Variants in TFR2 observed in about 807,000 individuals in gnomAD.
The protein encoded by TFR2 is transferrin receptor 2, also known as transferrin receptor protein 2.
In TFR2, 64 loss-of-function variants were observed where a neutral mutation model predicts 91.9. That is an observed-to-expected ratio of 0.70 (90% confidence interval 0.57 to 0.86). The LOEUF is 0.86. TFR2 is among the 40% of genes least tolerant of loss of function. The pLI is 0.00. For synonymous variants in TFR2, 454 were observed against 459.6 expected (o/e 0.99, Z 0.15); for missense variants, 950 against 1,080.5 (o/e 0.88, Z 1.69).
At chr7:100,621,831 C>T (rs1360400142) in intron 17 of TFR2, among the ~76,000 whole-genome samples, 1 of 152,172 alleles carries the variant, frequency 6.6e-6, no homozygotes, top group African/African-American at 2.4e-5. Context: ...GGCCTTGCTC[C>T]TGACCTAATC....
chr7:100,624,994 G>C (rs1803215075), intron 17 of TFR2, among the ~76,000 whole-genome samples: 1 of 151,732 alleles, frequency 6.6e-6, no homozygotes, highest in South Asian at 2.1e-4. Flanking sequence ...TGCAGGCTCT[G>C]AAGTCCTGAG....
Position 100,632,087 on chromosome 7 carries a change from C to T in TFR2, c.961G>A (p.Gly321Arg). 8.7e-6 allele frequency: 14 copies of T among 1,614,138 alleles called. No individual in the cohort carries two copies. The highest frequency in any genetic ancestry group is 1.1e-5 in the Non-Finnish European group (13 of 1,180,010). Reference sequence around the variant, plus strand: ...ACCAGCCTCCCCAGACTCACATGTCCATACACTGCCTGCTGGCTGGACAGG... The same window carrying T: ...ACCAGCCTCCCCAGACTCACATGTCTATACACTGCCTGCTGGCTGGACAGG... ...PSLSSQQAVY[G>R]HVHLGTGDPY... The change falls in exon 7 of 18, where the codon GGA becomes AGA. Residue 321 changes from glycine to arginine, a missense_variant. Coordinates refer to ENST00000223051, the MANE Select transcript of TFR2 (RefSeq NM_003227.4).
chr7:100,635,111 T>C (rs1803550324), intron 3 of TFR2, among the ~76,000 whole-genome samples: 2 of 151,886 alleles, frequency 1.3e-5, no homozygotes, highest in Non-Finnish European at 2.9e-5. Context: ...GCTAGTTTTG[T>C]ATTTTTTTAG....
chr7:100,640,757 T>G lies in TFR2; in HGVS notation c.402A>C (p.Arg134Ser). ...YEPDLDFHQGRLYWSDLQAMF... is the reference protein window; with the variant it reads ...YEPDLDFHQGSLYWSDLQAMF... Reference sequence around the variant, plus strand: ...TGGCCTGGAGGTCGCTCCAGTAGAGTCTGCCCTGGTGGAAATCCAGGTCAG... The same window carrying G: ...TGGCCTGGAGGTCGCTCCAGTAGAGGCTGCCCTGGTGGAAATCCAGGTCAG... Residue 134 changes from arginine to serine, a missense_variant, in exon 3 of 18, where the codon AGA (arginine) becomes AGC (serine). Arg to Ser is a moderately radical substitution (Grantham distance 110, BLOSUM62 -1). Transcript: ENST00000223051. 5 of 1,613,860 alleles carry G rather than the reference T, an allele frequency of 3.1e-6. No homozygotes were observed. The highest frequency in any genetic ancestry group is 4.2e-6 in the Non-Finnish European group (5 of 1,179,968).
chr7:100,630,694 C>A (rs945374767), intron 9 of TFR2, among the ~76,000 whole-genome samples, 195 bp downstream of exon 9: 3 of 152,236 alleles, frequency 2.0e-5, no homozygotes, highest in African/African-American at 7.2e-5. Context: ...ACTAGACAGG[C>A]TGGAAGGTGA....
At chr7:100,635,345 C>T (rs1803554551) in intron 3 of TFR2, among the ~76,000 whole-genome samples, 1 of 150,570 alleles carries the variant, frequency 6.6e-6, no homozygotes, top group African/African-American at 2.4e-5. Context: ...AAGCTCAAGC[C>T]ATCCTCCTGC....
Position 100,630,986 on chromosome 7 carries a change from C to A in TFR2, c.1173G>T (p.Leu391=). 6.2e-7 allele frequency: 1 copy of A among 1,609,428 alleles called. No homozygotes were observed. Among genetic ancestry groups the A allele is most frequent in the Non-Finnish European group, 8.5e-7 (1 of 1,178,408 alleles). The stretch of plus-strand genomic sequence containing the variant: ...CTAGCCGCAGTCGTGGCCCGGGGCC[C>A]AGGTGATAAGGGGAGCCTAGGAGGC... ...QGSLLGSPYH[L]GPGPRLRLVV... is the part of the protein sequence containing the mutation. Residue 391 remains leucine (L), a synonymous_variant, in exon 9 of 18, where the codon CTG becomes CTT. Coordinates refer to ENST00000223051, the MANE Select transcript of TFR2 (RefSeq NM_003227.4).
chr7:100,630,203 TCTTC>T (rs56033226), intron 9 of TFR2, among the ~76,000 whole-genome samples: 99,457 of 149,610 alleles, frequency 0.66, 33,801 homozygotes, highest in African/African-American at 0.81. Flanking sequence ...CATGCTTGAG[TCTTC>T]CTTCCTTCCT....
Position 100,640,681 on chromosome 7 carries a change from C to G in TFR2, c.473+5G>C, listed in dbSNP as rs1803678989. 2 of 1,611,860 alleles carry G rather than the reference C, an allele frequency of 1.2e-6. No homozygotes were observed. The highest frequency in any genetic ancestry group is 3.3e-5 in the Admixed American group (2 of 59,964). ...GAGAACAGGATGGGGCAGGGCCATC[C>G]CTACCTGATGGTGTCCTCCAGGCGC... On this transcript the variant is annotated splice_donor_5th_base_variant and intron_variant, in intron 3 of 17. Transcript: ENST00000223051.
At chr7:100,640,330 G>A (rs937720583) in intron 3 of TFR2, 8 of 256,680 alleles carry the variant, frequency 3.1e-5, no homozygotes, top group African/African-American at 1.6e-4. Flanking sequence ...CTAGAATGCG[G>A]CTTCTCAGAA....
rs201855716 is a variant in TFR2, at chr7:100,621,159, G to C, written c.2137-33C>G. The C allele has an allele frequency of 6.2e-6, 9 of 1,461,650 alleles. No individual in the cohort carries two copies. In the East Asian group the frequency reaches 2.0e-4, roughly 33 times the overall value. 90.5% of individuals were successfully genotyped at this position (1,461,650 alleles called of 1,614,324 possible). ...GAGAGGGGGATCAGGTCAGGGTTGG[G>C]GGCTCTGGCTCGGGAGCAAAGGCCC... On this transcript the variant is annotated intron_variant, in intron 17 of 17. Transcript: ENST00000223051.
chr7:100,633,400 C>CCG lies in TFR2; in HGVS notation c.614+14_614+15dup. Reference sequence around the variant, plus strand: ...GTCCCCCTCCCCGCGCGCCCCCCGCCCGCGCGCGCACTCACGGATCCGGGA... The same window carrying CCG: ...GTCCCCCTCCCCGCGCGCCCCCCGCCCGCGCGCGCGCACTCACGGATCCGGGA... On this transcript the variant is annotated intron_variant, in intron 4 of 17. Transcript: ENST00000223051. 1 of 1,605,944 alleles carries CCG rather than the reference C, an allele frequency of 6.2e-7. No individual in the cohort carries two copies. The highest frequency in any genetic ancestry group is 8.5e-7 in the Non-Finnish European group (1 of 1,175,958).
intron 17 of TFR2, among the ~76,000 whole-genome samples, chr7:100,625,720 C>CA (rs2131309577): frequency 6.6e-6 from 1 of 152,018 alleles, no homozygotes; most frequent in Non-Finnish European, 1.5e-5. Context: ...CCTGTCTCTA[C>CA]AAAAAATAGA....
In TFR2 at chr7:100,641,218, G is replaced by A. The variant is rs755515941; in HGVS notation, c.44C>T (p.Ser15Phe). The A allele has an allele frequency of 3.3e-6, 5 of 1,537,170 alleles. No homozygotes were observed. Among genetic ancestry groups the A allele is most frequent in the Non-Finnish European group, 4.4e-6 (5 of 1,139,332 alleles). The stretch of plus-strand genomic sequence containing the variant: ...GTAGACGGTCTGAGAGGATCTTGGG[G>A]ACAGTTGTTGCTGTGCAGGCGAGGT... ...WGLFQRAQQL[S>F]PRSSQTVYQR... The change falls in exon 2 of 18, where the codon TCC (serine) becomes TTC (phenylalanine). Residue 15 changes from serine to phenylalanine, a missense_variant. Ser to Phe is a radical substitution (Grantham distance 155). Coordinates refer to ENST00000223051, the MANE Select transcript of TFR2 (RefSeq NM_003227.4).
chr7:100,627,221 C>T (rs1235560304), intron 16 of TFR2, 43 bp downstream of exon 16: 1 of 1,533,354 alleles, frequency 6.5e-7, no homozygotes. Flanking sequence ...CTGGGCAGTG[C>T]CTCCCACTCC....
intron 3 of TFR2, among the ~76,000 whole-genome samples, chr7:100,636,493 C>T (rs1384824571): frequency 6.7e-6 from 1 of 149,692 alleles, no homozygotes; most frequent in African/African-American, 2.5e-5. Flanking sequence ...TGCATCTTGT[C>T]ATTACCCGCA....
At position 100,633,523 on chromosome 7, in the gene TFR2, C is replaced by G. The variant is rs1280667602; in HGVS notation, c.507G>C (p.Ser169=). ...QTSLRERVAG[S]AGMAALTQDI... ...CCTGAGTCAGAGCGGCCATCCCGGC[C>G]GAGCCTGCCACCCGTTCCCGAAGGC... Residue 169 remains serine (S), a synonymous_variant, in exon 4 of 18, where the codon TCG becomes TCC. Coordinates refer to ENST00000223051, the MANE Select transcript of TFR2 (RefSeq NM_003227.4). The G allele has an allele frequency of 6.2e-7, 1 of 1,608,046 alleles. No individual in the cohort carries two copies. The highest frequency in any genetic ancestry group is 1.3e-5 in the African/African-American group (1 of 74,860).
chr7:100,633,592 C>G (rs775877979), intron 3 of TFR2, 36 bp from the exon 4 acceptor site: 3 of 1,579,442 alleles, frequency 1.9e-6, no homozygotes, highest in Non-Finnish European at 2.6e-6. Context: ...TCTGGGCGCC[C>G]GGAGGAGAGG....
At chr7:100,638,148 T>A (rs529995897) in intron 3 of TFR2, among the ~76,000 whole-genome samples, 2 of 151,996 alleles carry the variant, frequency 1.3e-5, no homozygotes, top group Non-Finnish European at 2.9e-5. Flanking sequence ...GGACTATAGG[T>A]GCCCGCCACC....
Sources: allele counts gnomAD v4.1 joint callset (sites outside exome capture counted in the v4.1 genomes callset), GRCh38; gene constraint gnomAD v4.1.1; transcripts MANE v1.5; gene names NCBI Gene and HGNC (gene_info 2026-07-23, HGNC 2026-07-21).